The following TREH variants were observed in gnomAD, a reference collection of about 807,000 sequenced individuals.
TREH encodes the protein trehalase.
In TREH, 69 loss-of-function variants were observed where a neutral mutation model predicts 80.5. That is an observed-to-expected ratio of 0.86 (90% CI 0.71 to 1.05). TREH has a LOEUF of 1.05. TREH is among the 50% of genes least tolerant of loss of function. The pLI is 0.00. For missense variants in TREH, 716 were observed against 718.8 expected, an observed-to-expected ratio of 1.00 and a Z score of 0.04; for synonymous variants, 309 against 293.5, an observed-to-expected ratio of 1.05 and a Z score of -0.54.
intron 1 of TREH, among the ~76,000 whole-genome samples, chr11:118,672,713 CAAAAAAAAAAAAA>C (rs58199596): frequency 4.6e-5 from 2 of 43,946 alleles, no homozygotes; most frequent in Admixed American, 2.5e-4. Context: ...GACTCCATCT[CAAAAAAAAAAAAA>C]AAAAAAAAAA....
intron 1 of TREH, among the ~76,000 whole-genome samples, chr11:118,666,885 A>T (rs1383777242): frequency 3.3e-5 from 5 of 151,908 alleles, no homozygotes; most frequent in African/African-American, 4.8e-5. Flanking sequence ...ATTTTTTATT[A>T]TTTTTATTTT....
rs1949348046 is a variant in TREH at position 118,663,454 on chromosome 11, A to G, written c.90-15T>C. ...AGTAAATCTCACTGCAGAGACAGGG[A>G]TAGGAGCAGGTCAGGTCACCACCAC... is the stretch of plus-strand genomic sequence containing the variant. On this transcript the variant is annotated splice_polypyrimidine_tract_variant and intron_variant, in intron 1 of 14. Coordinates refer to ENST00000264029, the MANE Select transcript of TREH (RefSeq NM_007180.3). 1 of 1,562,706 alleles carries G rather than the reference A, an allele frequency of 6.4e-7. No homozygotes were observed. The highest frequency in any genetic ancestry group is 1.2e-5 in the South Asian group (1 of 84,646).
rs1555144913 is a variant in TREH at position 118,661,281 on chromosome 11, C to A, written c.736G>T (p.Glu246Ter). Reference protein sequence around the residue: ...THTNDTAFLQENIETLALELD... With the variant: ...THTNDTAFLQ ...TCCAAGGCTAGTGTTTCAATGTTTT[C>A]CCTGGAGTGAAGCAGACAACACCTC... Residue 246 changes from glutamate (E) to a stop codon, truncating the protein, a stop_gained and splice_region_variant, in exon 8 of 15, where the codon GAA (glutamate) becomes TAA (stop). Coordinates refer to ENST00000264029, the MANE Select transcript of TREH (RefSeq NM_007180.3). LOFTEE classifies it high-confidence loss of function. This position sits in a 1 kb window ranked among gnomAD's most constrained non-coding sequence, Gnocchi z 4.2. 6.2e-7 allele frequency: 1 copy of A among 1,614,008 alleles called. No individual in the cohort carries two copies. The highest frequency in any genetic ancestry group is 1.1e-5 in the South Asian group (1 of 91,082).
At chr11:118,672,713 C>CAAAAAAA (rs58199596) in intron 1 of TREH, among the ~76,000 whole-genome samples, 6 of 43,952 alleles carry the variant, frequency 1.4e-4, no homozygotes, top group Admixed American at 2.5e-4. Context: ...GACTCCATCT[C>CAAAAAAA]AAAAAAAAAA....
chr11:118,660,028 G>T (rs377755775), intron 10 of TREH, 64 bp from the exon 11 acceptor site: 5 of 1,470,702 alleles, frequency 3.4e-6, no homozygotes, highest in South Asian at 1.2e-5. Context: ...GGCTTTTTTC[G>T]TGGTTCTACT....
intron 11 of TREH, 44 bp from the exon 12 acceptor site, chr11:118,659,525 C>G (rs1555144382): frequency 6.0e-6 from 9 of 1,496,384 alleles, no homozygotes; most frequent in Non-Finnish European, 7.2e-6. Flanking sequence ...TGGGGCTGGA[C>G]TGGGAGCCAG....
At chr11:118,679,070 G>A (rs1487967074) in intron 1 of TREH, among the ~76,000 whole-genome samples, 2 of 152,174 alleles carry the variant, frequency 1.3e-5, no homozygotes, top group African/African-American at 4.8e-5. Flanking sequence ...TGGCAGCTGC[G>A]TCTGGTATCA....
At chr11:118,672,587 T>C (rs1555146414) in intron 1 of TREH, among the ~76,000 whole-genome samples, 2 of 151,330 alleles carry the variant, frequency 1.3e-5, no homozygotes, top group Non-Finnish European at 2.9e-5. Context: ...GGTGCATGCC[T>C]GTAATCACAG....
At chr11:118,677,129 C>T (rs1230339028) in intron 1 of TREH, among the ~76,000 whole-genome samples, 1 of 152,146 alleles carries the variant, frequency 6.6e-6, no homozygotes, top group African/African-American at 2.4e-5. Flanking sequence ...GTGGCAGGGG[C>T]CTTTGGCCGC....
At chr11:118,660,816 G>T (rs782752988) in intron 9 of TREH, 50 bp downstream of exon 9, 96 of 1,552,820 alleles carry the variant, frequency 6.2e-5, no homozygotes, top group Non-Finnish European at 8.2e-5. Flanking sequence ...TGACACAGCA[G>T]GTGTGCAGCT....
At chr11:118,666,242 A>G (rs1465220127) in intron 1 of TREH, among the ~76,000 whole-genome samples, 5 of 150,982 alleles carry the variant, frequency 3.3e-5, no homozygotes, top group African/African-American at 1.2e-4. Context: ...CAAAAAAAAA[A>G]AATAAATAAA....
rs1949329445 is a variant in TREH, at chr11:118,662,009, G to T, written c.424-19C>A. 8.4e-6 allele frequency: 13 copies of T among 1,540,204 alleles called. No homozygotes were observed. Among genetic ancestry groups the T allele is most frequent in the Non-Finnish European group, 1.1e-5 (12 of 1,136,684 alleles). ...GCTTCATCTGGAGTCGGGAGAGAGG[G>T]CAAGGGGAGCCTAGAATCCCCACGG... On this transcript the variant is annotated intron_variant, in intron 4 of 14. Coordinates refer to ENST00000264029, the MANE Select transcript of TREH (RefSeq NM_007180.3).
chr11:118,662,809 C>G, intron 4 of TREH, 72 bp downstream of exon 4: 1 of 1,514,344 alleles, frequency 6.6e-7, no homozygotes, highest in Non-Finnish European at 9.0e-7. Flanking sequence ...TCCGAAGACA[C>G]TGTGGGCCCC....
chr11:118,662,815 G>T (rs539288843), intron 4 of TREH, 66 bp downstream of exon 4: 2 of 1,521,678 alleles, frequency 1.3e-6, no homozygotes, highest in South Asian at 2.4e-5. Context: ...GACACTGTGG[G>T]CCCCAGGCAC....
At chr11:118,671,191 C>T (rs1949426822) in intron 1 of TREH, among the ~76,000 whole-genome samples, 1 of 152,164 alleles carries the variant, frequency 6.6e-6, no homozygotes, top group Non-Finnish European at 1.5e-5. Flanking sequence ...GGTGAAGGCA[C>T]AACCTGCCCC....
At chr11:118,663,587 TAGG>T (rs1949349878) in intron 1 of TREH, 148 bp from the exon 2 acceptor site, 1 of 666,376 alleles carries the variant, frequency 1.5e-6, no homozygotes, top group East Asian at 2.7e-5. Flanking sequence ...GTGTGTGTGT[TAGG>T]AGTTTGTGGG....
intron 2 of TREH, 37 bp downstream of exon 2, chr11:118,663,302 G>C (rs201472664): frequency 1.3e-6 from 2 of 1,564,912 alleles, no homozygotes; most frequent in Non-Finnish European, 1.7e-6. Context: ...TGGAGAGAAG[G>C]TTCTCTGGAG....
In TREH at chr11:118,679,523, T is replaced by G. The variant is rs983941731; in HGVS notation, c.89+16A>C. On this transcript the variant is annotated intron_variant, in intron 1 of 14. Transcript: ENST00000264029. ...CTTATTGCCATCCTCCCCTGCTGCC[T>G]TCCCCACACCCCTACCTCTCACAGG... is the stretch of plus-strand genomic sequence containing the variant. The G allele has an allele frequency of 7.5e-6, 11 of 1,474,396 alleles. No individual in the cohort carries two copies. Among genetic ancestry groups the G allele is most frequent in the Non-Finnish European group, 9.9e-6 (11 of 1,107,270 alleles). 91.3% of individuals were successfully genotyped at this position (1,474,396 alleles called of 1,614,324 possible).
chr11:118,663,037 C>T lies in TREH; in HGVS notation c.335+15G>A. 1 of 1,612,554 alleles carries T rather than the reference C, an allele frequency of 6.2e-7. No homozygotes were observed. Among genetic ancestry groups the T allele is most frequent in the Non-Finnish European group, 8.5e-7 (1 of 1,178,976 alleles). ...TTGGAAGGAACCCTCTCTTGTTCCCCTTCCAGAGTCATACCTGTCTTTCCA... is the reference window on the plus strand; with the variant it reads ...TTGGAAGGAACCCTCTCTTGTTCCCTTTCCAGAGTCATACCTGTCTTTCCA... On this transcript the variant is annotated intron_variant, in intron 3 of 14. Transcript: ENST00000264029.
Sources: allele counts gnomAD v4.1 joint callset (sites outside exome capture counted in the v4.1 genomes callset), GRCh38; gene constraint gnomAD v4.1.1; non-coding constraint Gnocchi (gnomAD v3.1); transcripts MANE v1.5; gene names NCBI Gene and HGNC (gene_info 2026-07-23, HGNC 2026-07-21).